EIPR1: variants seen among roughly 807,000 people sequenced by gnomAD.
EIPR1 encodes EARP complex and GARP complex interacting protein 1, also known as EARP and GARP complex-interacting protein 1.
In EIPR1, 25 loss-of-function variants were observed where a neutral mutation model predicts 48.1. That is an observed-to-expected ratio of 0.52 (90% confidence interval 0.38 to 0.73). The LOEUF (loss-of-function observed/expected upper bound fraction) is 0.73, where lower values mean the gene tolerates loss of function less well. EIPR1 is among the 30% of genes least tolerant of loss of function. The probability of loss-of-function intolerance (pLI) is 0.00; values close to 1 mark genes in which losing one functional copy is unlikely to be tolerated. For missense variants in EIPR1, 415 were observed against 506.2 expected (o/e 0.82, Z 1.73); for synonymous variants, 204 against 201.9 (o/e 1.01, Z -0.09).
At chr2:3,213,821 A>G (rs1253234327) in intron 5 of EIPR1, among the ~76,000 whole-genome samples, 1 of 152,210 alleles carries the variant, frequency 6.6e-6, no homozygotes, top group African/African-American at 2.4e-5. Flanking sequence ...TACATTCTGA[A>G]TTTAGCCCAA....
intron 4 of EIPR1, among the ~76,000 whole-genome samples, chr2:3,230,170 T>C (rs1196343054): frequency 2.0e-5 from 3 of 152,020 alleles, no homozygotes; most frequent in Non-Finnish European, 4.4e-5. Flanking sequence ...TATTTGTAAA[T>C]GGAACTGTTT....
intron 3 of EIPR1, among the ~76,000 whole-genome samples, chr2:3,335,478 G>C (rs764628128): frequency 1.1e-4 from 16 of 152,100 alleles, no homozygotes; most frequent in Non-Finnish European, 1.8e-4. Flanking sequence ...GTTTCCTGGT[G>C]GGGGGACAGG....
At chr2:3,362,550 C>T (rs1432399432) in intron 1 of EIPR1, among the ~76,000 whole-genome samples, 2 of 151,376 alleles carry the variant, frequency 1.3e-5, no homozygotes, top group Non-Finnish European at 2.9e-5. Flanking sequence ...CTGAAGGCTT[C>T]ATTTCTTTCC....
rs146806506 is a variant in EIPR1, at chr2:3,334,583, C to T, written c.259+3434G>A. On this transcript the variant is annotated intron_variant, in intron 3 of 8. Coordinates refer to ENST00000382125, the MANE Select transcript of EIPR1 (RefSeq NM_003310.5). ...TGCAGATGACCTGATTCAGATGAGACGTGGCGCCGTGTGTGCTTCGAAGGG... is the reference window on the plus strand; with the variant it reads ...TGCAGATGACCTGATTCAGATGAGATGTGGCGCCGTGTGTGCTTCGAAGGG... Among the ~76,000 whole-genome samples the T allele has an allele frequency of 2.8e-3, 428 of 152,344 alleles. 1 individual carries two copies. The highest frequency in any genetic ancestry group is 5.2e-3 in the Admixed American group (79 of 15,304).
intron 3 of EIPR1, among the ~76,000 whole-genome samples, chr2:3,305,208 G>A (rs376124545): frequency 2.2e-4 from 27 of 124,524 alleles, no homozygotes; most frequent in Middle Eastern, 7.0e-3. Flanking sequence ...TTCCACTCCC[G>A]TCCTGTTCAG....
chr2:3,192,700 A>G (rs73129592), intron 7 of EIPR1, 119 bp from the exon 8 acceptor site: 22,845 of 998,076 alleles, frequency 0.023, 424 homozygotes, highest in African/African-American at 0.063. Flanking sequence ...CTGCCAGGCA[A>G]TCGGCCCCCA....
At chr2:3,288,925 C>T (rs1324211805) in intron 3 of EIPR1, among the ~76,000 whole-genome samples, 3 of 152,234 alleles carry the variant, frequency 2.0e-5, no homozygotes, top group Non-Finnish European at 4.4e-5. Context: ...GCCCTGGCCC[C>T]CTGGGCAGCC....
intron 5 of EIPR1, among the ~76,000 whole-genome samples, chr2:3,207,134 T>C (rs1213408879): frequency 6.6e-6 from 1 of 152,172 alleles, no homozygotes; most frequent in African/African-American, 2.4e-5. Context: ...CGCATCCATG[T>C]ACCCACACAC....
intron 3 of EIPR1, among the ~76,000 whole-genome samples, chr2:3,321,016 G>A (rs955520032): frequency 2.0e-5 from 3 of 152,094 alleles, no homozygotes; most frequent in Admixed American, 1.3e-4. Flanking sequence ...AATTAAAGAC[G>A]GGCTGGCACT....
intron 3 of EIPR1, among the ~76,000 whole-genome samples, chr2:3,313,289 T>C (rs984344196): frequency 1.3e-5 from 2 of 152,142 alleles, no homozygotes; most frequent in Admixed American, 6.5e-5. Context: ...GGAGAGGACA[T>C]GGATTCTGAG....
intron 3 of EIPR1, among the ~76,000 whole-genome samples, chr2:3,269,663 C>T (rs1422100310): frequency 6.6e-6 from 1 of 151,034 alleles, no homozygotes; most frequent in African/African-American, 2.4e-5. Context: ...ACTCAATCAT[C>T]ACACTCAATC....
intron 4 of EIPR1, among the ~76,000 whole-genome samples, chr2:3,221,658 ACG>A (rs1665892939): frequency 5.4e-5 from 1 of 18,406 alleles, no homozygotes; most frequent in East Asian, 5.3e-3. Flanking sequence ...TCGGGAACAC[ACG>A]CACACAATGG....
chr2:3,220,870 G>T (rs1332047137), intron 4 of EIPR1, among the ~76,000 whole-genome samples: 1 of 149,378 alleles, frequency 6.7e-6, no homozygotes, highest in African/African-American at 2.5e-5. Context: ...AATGGCCGAG[G>T]TACACTCTAG....
chr2:3,206,839 G>A (rs957207173), intron 5 of EIPR1, among the ~76,000 whole-genome samples: 2 of 152,140 alleles, frequency 1.3e-5, no homozygotes, highest in Admixed American at 6.5e-5. Flanking sequence ...TCTAATTAGA[G>A]GCAATCCTTG....
At chr2:3,251,784 G>A (rs1226221267) in intron 4 of EIPR1, among the ~76,000 whole-genome samples, 10 of 152,084 alleles carry the variant, frequency 6.6e-5, no homozygotes, top group Non-Finnish European at 1.0e-4. Flanking sequence ...CATCCTCAAC[G>A]CTTACTGTCA....
At chr2:3,246,008 G>A (rs1488673343) in intron 4 of EIPR1, among the ~76,000 whole-genome samples, 2 of 152,124 alleles carry the variant, frequency 1.3e-5, no homozygotes, top group Non-Finnish European at 2.9e-5. Context: ...GGAGGATCAC[G>A]TGAGCCTGGA....
chr2:3,361,738 A>C, intron 1 of EIPR1, among the ~76,000 whole-genome samples: 2 of 141,534 alleles, frequency 1.4e-5, no homozygotes, highest in Non-Finnish European at 1.5e-5. Flanking sequence ...CCACCCTCTG[A>C]CCCTGCCCAA....
chr2:3,287,722 C>T (rs1162175137), intron 3 of EIPR1, among the ~76,000 whole-genome samples: 1 of 152,110 alleles, frequency 6.6e-6, no homozygotes, highest in Non-Finnish European at 1.5e-5. Context: ...CCAGAAAGCT[C>T]GTTCACCACG....
Position 3,221,444 on chromosome 2 carries a change from G to A in EIPR1, c.417-7196C>T, listed in dbSNP as rs573705457. On this transcript the variant is annotated intron_variant, in intron 4 of 8. Transcript: ENST00000382125. Reference sequence around the variant, plus strand: ...CACTCACAGTGAGTCGGGAACACACGCACAAAATGGCCGAGGTACACTCTA... The same window carrying A: ...CACTCACAGTGAGTCGGGAACACACACACAAAATGGCCGAGGTACACTCTA... Among the ~76,000 whole-genome samples, 2 of 4,906 alleles carry A rather than the reference G, an allele frequency of 4.1e-4. 1 individual carries two copies. Among genetic ancestry groups the A allele is most frequent in the African/African-American group, 7.1e-4 (2 of 2,822 alleles). 3.2% of individuals were successfully genotyped at this position (4,906 alleles called of 152,430 possible). A position where few individuals can be genotyped will look rare whatever the true frequency, so the allele number is the denominator to read the frequency against.
Sources: gnomAD v4.1 joint callset for allele counts (sites outside exome capture counted in the v4.1 genomes callset) on GRCh38, gnomAD v4.1.1 for gene constraint, MANE v1.5 for transcripts, NCBI Gene and HGNC (gene_info 2026-07-23, HGNC 2026-07-21) for gene names.